Variants in CTNNBIP1 observed in about 807,000 individuals in gnomAD.
CTNNBIP1 encodes the protein beta-catenin-interacting protein 1.
A neutral mutation model predicts 11.8 loss-of-function variants in CTNNBIP1; 7 were observed. That is an observed-to-expected ratio of 0.60 (90% CI 0.34 to 1.12). The LOEUF is 1.12. Among genes scored for constraint, CTNNBIP1 ranks in the 50% most tolerant of loss-of-function variants. The probability of loss-of-function intolerance (pLI) is 0.03; values close to 1 mark genes in which losing one functional copy is unlikely to be tolerated. For missense variants in CTNNBIP1, 101 were observed against 113.4 expected (o/e 0.89, Z 0.50); for synonymous variants, 58 against 43.9 (o/e 1.32, Z -1.26).
intron 5 of CTNNBIP1, among the ~76,000 whole-genome samples, chr1:9,852,961 T>C (rs1212909956): frequency 1.3e-5 from 2 of 152,216 alleles, no homozygotes; most frequent in East Asian, 3.8e-4. Flanking sequence ...GCCCAGTGTG[T>C]GTGCCTGTCC....
At chr1:9,866,895 G>A (rs1638758892) in intron 5 of CTNNBIP1, among the ~76,000 whole-genome samples, 3 of 152,076 alleles carry the variant, frequency 2.0e-5, no homozygotes, top group Admixed American at 6.6e-5. Flanking sequence ...CAGGTCTGGG[G>A]AGCCTTAGGA....
At position 9,851,285 on chromosome 1, in the gene CTNNBIP1, G is replaced by A. The variant is rs1265108189; in HGVS notation, c.188-509C>T. Among the ~76,000 whole-genome samples the A allele has an allele frequency of 6.6e-6, 1 of 152,150 alleles. No individual in the cohort carries two copies. Among genetic ancestry groups the A allele is most frequent in the Admixed American group, 6.5e-5 (1 of 15,278 alleles). On this transcript the variant is annotated intron_variant, in intron 5 of 5. Coordinates refer to ENST00000377263, the MANE Select transcript of CTNNBIP1 (RefSeq NM_020248.3). The surrounding 1 kb of genome is among the most constrained non-coding windows in gnomAD (Gnocchi z 4.8). ...CACCTCTTCCAAGAAGTATGGCCGG[G>A]CCCACGTCCAGCCTGCTGTCCGCCT...
intron 1 of CTNNBIP1, among the ~76,000 whole-genome samples, chr1:9,888,779 T>C (rs1466154087): frequency 5.9e-5 from 9 of 152,280 alleles, no homozygotes; most frequent in South Asian, 2.1e-4. Flanking sequence ...GTTTGCCCTA[T>C]GCACACTCCG....
chr1:9,857,490 CAA>C (rs561732405), intron 5 of CTNNBIP1, among the ~76,000 whole-genome samples: 34 of 74,956 alleles, frequency 4.5e-4, no homozygotes, highest in Admixed American at 4.7e-4. Context: ...GACCCTGTCT[CAA>C]AAAAAAAAAA....
intron 1 of CTNNBIP1, among the ~76,000 whole-genome samples, chr1:9,896,217 C>A (rs1431854384): frequency 6.6e-6 from 1 of 152,172 alleles, no homozygotes; most frequent in Admixed American, 6.5e-5. Context: ...AACACTTTCA[C>A]AAGAAATTAT....
intron 1 of CTNNBIP1, among the ~76,000 whole-genome samples, chr1:9,903,020 C>T (rs959825293): frequency 6.6e-6 from 1 of 152,236 alleles, no homozygotes; most frequent in Non-Finnish European, 1.5e-5. Context: ...CTGCCTTGGC[C>T]TCCCAAAGTG....
chr1:9,895,191 G>A (rs1207351356), intron 1 of CTNNBIP1, among the ~76,000 whole-genome samples: 1 of 151,720 alleles, frequency 6.6e-6, no homozygotes, highest in Non-Finnish European at 1.5e-5. Flanking sequence ...ACAGGCATGA[G>A]CCACTGCACC....
At chr1:9,909,562 G>A (rs903951686) in intron 1 of CTNNBIP1, among the ~76,000 whole-genome samples, 3 of 152,122 alleles carry the variant, frequency 2.0e-5, no homozygotes, top group African/African-American at 7.2e-5. Flanking sequence ...GGCTCCAGGT[G>A]GTTAATTTTG....
At chr1:9,882,132 A>G (rs1280157811) in intron 2 of CTNNBIP1, among the ~76,000 whole-genome samples, 1 of 152,124 alleles carries the variant, frequency 6.6e-6, no homozygotes. Flanking sequence ...GGCAGGGGAG[A>G]GGCTGGCTGC....
At chr1:9,898,948 G>C (rs543650588) in intron 1 of CTNNBIP1, among the ~76,000 whole-genome samples, 36 of 151,898 alleles carry the variant, frequency 2.4e-4, no homozygotes, top group Non-Finnish European at 4.3e-4. Context: ...AATATTTTTT[G>C]AATTTAATTT....
intron 2 of CTNNBIP1, among the ~76,000 whole-genome samples, chr1:9,878,893 G>A (rs765243153): frequency 2.6e-5 from 4 of 152,164 alleles, no homozygotes; most frequent in Non-Finnish European, 4.4e-5. Flanking sequence ...AGACAACCAC[G>A]TTCTGTAAAA....
chr1:9,879,421 T>C (rs1639037499), intron 2 of CTNNBIP1, among the ~76,000 whole-genome samples: 1 of 152,010 alleles, frequency 6.6e-6, no homozygotes, highest in Admixed American at 6.6e-5. Context: ...GGAAGACATG[T>C]TTTCCAGAGA....
At chr1:9,887,157 G>A (rs559413942) in intron 1 of CTNNBIP1, among the ~76,000 whole-genome samples, 6 of 152,298 alleles carry the variant, frequency 3.9e-5, no homozygotes, top group African/African-American at 1.4e-4. Flanking sequence ...TGATGCTACC[G>A]AAGAATAATT....
intron 2 of CTNNBIP1, among the ~76,000 whole-genome samples, chr1:9,879,212 T>C (rs1224164087): frequency 6.7e-6 from 1 of 149,836 alleles, no homozygotes; most frequent in Non-Finnish European, 1.5e-5. Flanking sequence ...AAAAAATGGG[T>C]GCTTTTACAC....
At chr1:9,873,238 C>T (rs972865224) in intron 3 of CTNNBIP1, among the ~76,000 whole-genome samples, 1 of 152,188 alleles carries the variant, frequency 6.6e-6, no homozygotes, top group Non-Finnish European at 1.5e-5. Flanking sequence ...CGGCATAGGT[C>T]TCTTTCCAGC....
intron 1 of CTNNBIP1, among the ~76,000 whole-genome samples, chr1:9,901,977 C>A (rs1039992272): frequency 1.3e-5 from 2 of 152,330 alleles, no homozygotes; most frequent in African/African-American, 4.8e-5. Context: ...CTCTACCCAG[C>A]CCTGGCTGGA....
chr1:9,852,334 G>A (rs1485933317), intron 5 of CTNNBIP1, among the ~76,000 whole-genome samples: 1 of 152,182 alleles, frequency 6.6e-6, no homozygotes, highest in African/African-American at 2.4e-5. Flanking sequence ...GAACCAAGGT[G>A]CTGCTAAGGG....
At position 9,872,089 on chromosome 1, in the gene CTNNBIP1, C is replaced by T; in HGVS notation, c.-24-1G>A. The T allele has an allele frequency of 6.4e-7, 1 of 1,559,582 alleles. No homozygotes were observed. Among genetic ancestry groups the T allele is most frequent in the Non-Finnish European group, 8.8e-7 (1 of 1,130,360 alleles). Reference sequence around the variant, plus strand: ...TCCCCCTGCCTGGCTCTGGGGACTCCTGCAGAGCAAGCAACAGCATCAAAA... The same window carrying T: ...TCCCCCTGCCTGGCTCTGGGGACTCTTGCAGAGCAAGCAACAGCATCAAAA... On this transcript the variant is annotated splice_acceptor_variant, in intron 3 of 5. Coordinates refer to ENST00000377263, the MANE Select transcript of CTNNBIP1 (RefSeq NM_020248.3). LOFTEE classifies it low-confidence loss of function (5UTR_SPLICE). This position sits in a 1 kb window ranked among gnomAD's most constrained non-coding sequence, Gnocchi z 4.0.
chr1:9,887,472 T>C (rs1389113757), intron 1 of CTNNBIP1, among the ~76,000 whole-genome samples: 2 of 152,098 alleles, frequency 1.3e-5, no homozygotes, highest in Non-Finnish European at 2.9e-5. Flanking sequence ...ACCCCAGCAC[T>C]TTGGAAGGTG....
Sources: gnomAD v4.1 joint callset for allele counts (sites outside exome capture counted in the v4.1 genomes callset) on GRCh38, gnomAD v4.1.1 for gene constraint, Gnocchi (gnomAD v3.1) non-coding constraint, MANE v1.5 for transcripts, NCBI Gene and HGNC (gene_info 2026-07-23, HGNC 2026-07-21) for gene names.